Variants in NR5A1 observed in about 807,000 individuals in gnomAD.
The protein encoded by NR5A1 is nuclear receptor subfamily 5 group A member 1.
A neutral mutation model predicts 42.7 loss-of-function variants in NR5A1; 6 were observed. That is an observed-to-expected ratio of 0.14 (90% CI 0.08 to 0.28). The LOEUF (loss-of-function observed/expected upper bound fraction) is 0.28. Among genes scored for constraint, NR5A1 ranks in the 10% least tolerant of loss-of-function variants. The probability of loss-of-function intolerance (pLI) is 1.00; values close to 1 mark genes in which losing one functional copy is unlikely to be tolerated. For missense variants in NR5A1, 442 were observed against 626.4 expected, an observed-to-expected ratio of 0.71 and a Z score of 3.14; for synonymous variants, 274 against 277.5, an observed-to-expected ratio of 0.99 and a Z score of 0.12.
rs767528159 is a variant in NR5A1, at chr9:124,496,064, G to A, written c.871-2915C>T. Reference sequence around the variant, plus strand: ...GTTGGTTCTTACGTGGATGCTGCCCGGCCGGGATCCCACCTGCCCCTTGGC... The same window carrying A: ...GTTGGTTCTTACGTGGATGCTGCCCAGCCGGGATCCCACCTGCCCCTTGGC... On this transcript the variant is annotated intron_variant, in intron 4 of 6. Coordinates refer to ENST00000373588, the MANE Select transcript of NR5A1 (RefSeq NM_004959.5). The surrounding 1 kb of genome is among the most constrained non-coding windows in gnomAD (Gnocchi z 5.0). 3.9e-5 allele frequency among the ~76,000 whole-genome samples: 6 copies of A among 152,114 alleles called. No individual in the cohort carries two copies. Among genetic ancestry groups the A allele is most frequent in the African/African-American group, 7.2e-5 (3 of 41,408 alleles).
rs561306539 is a variant in NR5A1, at chr9:124,493,666, C to T, written c.871-517G>A. Among the ~76,000 whole-genome samples the T allele has an allele frequency of 7.9e-5, 12 of 152,336 alleles. No homozygotes were observed. The East Asian group carries it at 9.7e-4, about 12-fold the overall frequency. On this transcript the variant is annotated intron_variant, in intron 4 of 6. Coordinates refer to ENST00000373588, the MANE Select transcript of NR5A1 (RefSeq NM_004959.5). ...AGGGAGAAACCAAGGGCTTCCCCCCCGGGCCTACGCAGAGCTCTCAGGCTC... is the reference window on the plus strand; with the variant it reads ...AGGGAGAAACCAAGGGCTTCCCCCCTGGGCCTACGCAGAGCTCTCAGGCTC...
intron 6 of NR5A1, among the ~76,000 whole-genome samples, chr9:124,483,558 A>T (rs1368118024): frequency 6.6e-6 from 1 of 152,212 alleles, no homozygotes; most frequent in African/African-American, 2.4e-5. Flanking sequence ...CAATAATGCC[A>T]TCACAATGGG....
At chr9:124,483,088 A>G (rs1832154081) in intron 6 of NR5A1, 83 bp from the exon 7 acceptor site, 1 of 1,603,748 alleles carries the variant, frequency 6.2e-7, no homozygotes, top group South Asian at 1.1e-5. Context: ...AGCATCACCA[A>G]TACCACCTTC....
rs201340156 is a variant in NR5A1 at position 124,500,571 on chromosome 9, G to A, written c.389C>T (p.Pro130Leu). 1.0e-4 allele frequency: 164 copies of A among 1,611,448 alleles called. No homozygotes were observed. The highest frequency in any genetic ancestry group is 1.2e-4 in the South Asian group (11 of 91,060). Residue 130 changes from proline to leucine, a missense_variant, in exon 4 of 7, where the codon CCG (proline) becomes CTG (leucine). Transcript: ENST00000373588. This position sits in a 1 kb window ranked among gnomAD's most constrained non-coding sequence, Gnocchi z 6.9. ...GTAGTCCGGTGCGGGAGGGGGCGGC[G>A]GGGGCACCCCCATCGGGGGCCCTGT... ...LETGPPMGVP[P>L]PPPPAPDYVL...
rs749924831 is a variant in NR5A1 at position 124,482,950 on chromosome 9, G to A, written c.1194C>T (p.Asn398=). Residue 398 remains asparagine (N), a synonymous_variant, in exon 7 of 7, where the codon AAC becomes AAT. Coordinates refer to ENST00000373588, the MANE Select transcript of NR5A1 (RefSeq NM_004959.5). ...ACAGGGTGTAGTCAAGCAGGGCGGCGTTGGCCTTCTCCTGAGCGTCTTTCA... is the reference window on the plus strand; with the variant it reads ...ACAGGGTGTAGTCAAGCAGGGCGGCATTGGCCTTCTCCTGAGCGTCTTTCA... ...ILVKDAQEKA[N]AALLDYTLCH... The A allele has an allele frequency of 3.7e-6, 6 of 1,614,130 alleles. No individual in the cohort carries two copies. The highest frequency in any genetic ancestry group is 4.2e-6 in the Non-Finnish European group (5 of 1,180,034).
In NR5A1 at chr9:124,481,279, G is replaced by A. The variant is rs1832124087; in HGVS notation, c.*1479C>T. On this transcript the variant is annotated 3_prime_UTR_variant, in exon 7 of 7. Coordinates refer to ENST00000373588, the MANE Select transcript of NR5A1 (RefSeq NM_004959.5). ...TTTATTCCAGGGCTGTGGGGGCTGGGGTGATCCTTAAGGGCACTTCTCGTT... is the reference window on the plus strand; with the variant it reads ...TTTATTCCAGGGCTGTGGGGGCTGGAGTGATCCTTAAGGGCACTTCTCGTT... 1 of 152,190 alleles carries A rather than the reference G, an allele frequency of 6.6e-6. No individual in the cohort carries two copies. The highest frequency in any genetic ancestry group is 1.5e-5 in the Non-Finnish European group (1 of 68,094). 9.4% of individuals were successfully genotyped at this position (152,190 alleles called of 1,614,324 possible).
In NR5A1 at chr9:124,507,249, G is replaced by A. The variant is rs1301781006; in HGVS notation, c.-16C>T. 2 of 152,472 alleles carry A rather than the reference G, an allele frequency of 1.3e-5. No individual in the cohort carries two copies. Among genetic ancestry groups the A allele is most frequent in the Non-Finnish European group, 2.9e-5 (2 of 68,180 alleles). 9.4% of individuals were successfully genotyped at this position (152,472 alleles called of 1,614,324 possible). A position where few individuals can be genotyped will look rare whatever the true frequency, so the allele number is the denominator to read the frequency against. On this transcript the variant is annotated splice_region_variant and 5_prime_UTR_variant, in exon 1 of 7. Coordinates refer to ENST00000373588, the MANE Select transcript of NR5A1 (RefSeq NM_004959.5). ...GGCCTGGGCCAAGGCCCTCACTTAC[G>A]AAGCGGAAGCAGCGCTCTCACACCG...
intron 6 of NR5A1, among the ~76,000 whole-genome samples, chr9:124,490,828 G>C (rs1246864901): frequency 5.9e-5 from 9 of 152,214 alleles, no homozygotes; most frequent in African/African-American, 1.7e-4. Context: ...GGGACCCCAG[G>C]ATGGGAGCCT....
Position 124,493,560 on chromosome 9 carries a change from T to C in NR5A1, c.871-411A>G, listed in dbSNP as rs1438627568. On this transcript the variant is annotated intron_variant, in intron 4 of 6. Transcript: ENST00000373588. The stretch of plus-strand genomic sequence containing the variant: ...CTACAAATGCCTGGCAAGGTTATTA[T>C]TAATTTTAACCTTGTCCACATTTAA... Among the ~76,000 whole-genome samples the C allele has an allele frequency of 2.6e-5, 4 of 152,246 alleles. No homozygotes were observed. In the East Asian group the frequency reaches 7.7e-4, roughly 29 times the overall value.
Position 124,500,007 on chromosome 9 carries a change from C to A in NR5A1, c.870+83G>T. 1.0e-5 allele frequency: 16 copies of A among 1,603,064 alleles called. No homozygotes were observed. Among genetic ancestry groups the A allele is most frequent in the Non-Finnish European group, 1.3e-5 (15 of 1,171,842 alleles). Reference sequence around the variant, plus strand: ...CCTGAAGCCAGTGGGAAGGATGGCCCTATCCAAAGGACAGTCGGGCTAAGG... The same window carrying A: ...CCTGAAGCCAGTGGGAAGGATGGCCATATCCAAAGGACAGTCGGGCTAAGG... On this transcript the variant is annotated intron_variant, in intron 4 of 6. Transcript: ENST00000373588. The surrounding 1 kb of genome is among the most constrained non-coding windows in gnomAD (Gnocchi z 6.9).
intron 4 of NR5A1, among the ~76,000 whole-genome samples, chr9:124,497,041 G>A (rs1291235736): frequency 6.6e-6 from 1 of 152,206 alleles, no homozygotes; most frequent in Admixed American, 6.5e-5. Context: ...GCTCAGAGGA[G>A]CTTGGGTCCA....
Position 124,482,584 on chromosome 9 carries a change from A to T in NR5A1, c.*174T>A. ...CGCCAGGCCCTGCCCAGCCTCACCC[A>T]CCTTCCCAAACACACAGTGTCAGAA... On this transcript the variant is annotated 3_prime_UTR_variant, in exon 7 of 7. Transcript: ENST00000373588. 1.3e-6 allele frequency: 1 copy of T among 778,196 alleles called. No homozygotes were observed. Among genetic ancestry groups the T allele is most frequent in the Non-Finnish European group, 2.1e-6 (1 of 486,070 alleles). 48.2% of individuals were successfully genotyped at this position (778,196 alleles called of 1,614,324 possible). A position where few individuals can be genotyped will look rare whatever the true frequency, so the allele number is the denominator to read the frequency against.
chr9:124,504,025 AGAGAGAGAGAGAGAGAGAGAGAGAGAC>A (rs1304274403), intron 1 of NR5A1, among the ~76,000 whole-genome samples: 4 of 95,970 alleles, frequency 4.2e-5, no homozygotes, highest in Non-Finnish European at 8.2e-5. Flanking sequence ...ACAGGGAGAC[AGAGAGAGAGAGAGAGAGAGAGAGAGAC>A]GAGAGAGAGA....
chr9:124,490,880 G>A (rs914587767), intron 6 of NR5A1, among the ~76,000 whole-genome samples: 2 of 152,216 alleles, frequency 1.3e-5, no homozygotes, highest in African/African-American at 2.4e-5. Flanking sequence ...CAGAGCGGGA[G>A]CAGCCCCCAT....
intron 6 of NR5A1, 66 bp downstream of exon 6, chr9:124,491,015 T>TCGGCCGCCC: frequency 1.6e-6 from 1 of 634,816 alleles, no homozygotes. Flanking sequence ...CTCTCCAGCC[T>TCGGCCGCCC]CACCCACCCT....
chr9:124,500,724 A>C lies in NR5A1; in HGVS notation c.245-9T>G, dbSNP rs777684103. The C allele has an allele frequency of 6.2e-7, 1 of 1,612,568 alleles. No individual in the cohort carries two copies. The highest frequency in any genetic ancestry group is 2.2e-5 in the East Asian group (1 of 44,876). On this transcript the variant is annotated splice_polypyrimidine_tract_variant and intron_variant, in intron 3 of 6. Coordinates refer to ENST00000373588, the MANE Select transcript of NR5A1 (RefSeq NM_004959.5). The surrounding 1 kb of genome is among the most constrained non-coding windows in gnomAD (Gnocchi z 6.9). ...ACGGTCAGCGCGCACGGCTGTGGGC[A>C]GGGGCAGAGGGTCAGACTCACCCTC... is the stretch of plus-strand genomic sequence containing the variant.
At position 124,503,117 on chromosome 9, in the gene NR5A1, C is replaced by A; in HGVS notation, c.206G>T (p.Arg69Leu). The change falls in exon 3 of 7, where the codon CGC becomes CTC. Residue 69 changes from arginine (R) to leucine (L), a missense_variant. Arg to Leu is a moderately radical substitution (Grantham distance 102, BLOSUM62 -2). Transcript: ENST00000373588. This position sits in a 1 kb window ranked among gnomAD's most constrained non-coding sequence, Gnocchi z 9.6. The stretch of plus-strand genomic sequence containing the variant: ...CCCCACCGTCAGGCATTTCTGGAAG[C>A]GGCAGAAGGGACAGCGCTTGCGCTG... ...KTQRKRCPFC[R>L]FQKCLTVGMR... The A allele has an allele frequency of 6.3e-7, 1 of 1,593,620 alleles. No homozygotes were observed. Among genetic ancestry groups the A allele is most frequent in the East Asian group, 2.3e-5 (1 of 44,038 alleles).
Position 124,500,240 on chromosome 9 carries a change from C to T in NR5A1, c.720G>A (p.Val240=), listed in dbSNP as rs750986393. The T allele has an allele frequency of 1.9e-6, 3 of 1,605,160 alleles. No individual in the cohort carries two copies. The Admixed American group carries it at 5.1e-5, about 27-fold the overall frequency. ...GCAGGCAGCCCAAGATGCGGGCCCGCACCTGGTCCTCATCCGGCTCCAGCT... is the reference window on the plus strand; with the variant it reads ...GCAGGCAGCCCAAGATGCGGGCCCGTACCTGGTCCTCATCCGGCTCCAGCT... ...LLQLEPDEDQ[V]RARILGCLQE... is the part of the protein sequence containing the mutation. Residue 240 remains valine (V), a synonymous_variant, in exon 4 of 7, where the codon GTG becomes GTA. Transcript: ENST00000373588. The surrounding 1 kb of genome is among the most constrained non-coding windows in gnomAD (Gnocchi z 6.9).
In NR5A1 at chr9:124,498,201, C is replaced by T. The variant is rs147760771; in HGVS notation, c.870+1889G>A. 3.0e-4 allele frequency among the ~76,000 whole-genome samples: 45 copies of T among 152,294 alleles called. No homozygotes were observed. In the East Asian group the frequency reaches 7.7e-3, roughly 26 times the overall value. On this transcript the variant is annotated intron_variant, in intron 4 of 6. Transcript: ENST00000373588. This position sits in a 1 kb window ranked among gnomAD's most constrained non-coding sequence, Gnocchi z 4.6. Reference sequence around the variant, plus strand: ...CCCTCCCACTTTTCTGTCTCCTCACCTCTGGACTTTGCAAAGAGACACCAG... The same window carrying T: ...CCCTCCCACTTTTCTGTCTCCTCACTTCTGGACTTTGCAAAGAGACACCAG...
Sources: allele counts gnomAD v4.1 joint callset (sites outside exome capture counted in the v4.1 genomes callset), GRCh38; gene constraint gnomAD v4.1.1; non-coding constraint Gnocchi (gnomAD v3.1); transcripts MANE v1.5; gene names NCBI Gene and HGNC (gene_info 2026-07-23, HGNC 2026-07-21).